SLC45A2: variants seen among roughly 807,000 people sequenced by gnomAD.
The protein encoded by SLC45A2 is membrane-associated transporter protein.
Under a neutral mutation model 45.5 loss-of-function variants are expected in SLC45A2, and 36 were observed. The observed-to-expected ratio is 0.79, with a 90% confidence interval of 0.61 to 1.04. The LOEUF is 1.04. Ranked by LOEUF, SLC45A2 falls within the 50% of genes least tolerant of loss-of-function variation. The pLI is 0.00. For synonymous variants in SLC45A2, 306 were observed against 269.3 expected (o/e 1.14, Z -1.33); for missense variants, 719 against 671.0 (o/e 1.07, Z -0.79).
Position 33,951,502 on chromosome 5 carries a change from GT to G in SLC45A2, c.1156+51del, listed in dbSNP as rs1035525139. On this transcript the variant is annotated intron_variant, in intron 5 of 6. Transcript: ENST00000296589. ...CACATAGAAATATCAAATCCAAGTTGTGCTAGACCAGAAACTTTTAGAAGAC... is the reference window on the plus strand; with the variant it reads ...CACATAGAAATATCAAATCCAAGTTGGCTAGACCAGAAACTTTTAGAAGAC... 4 of 1,612,828 alleles carry G rather than the reference GT, an allele frequency of 2.5e-6. No homozygotes were observed. The African/African-American group carries it at 5.3e-5, about 21-fold the overall frequency.
rs181196597 is a variant in SLC45A2 at position 33,964,036 on chromosome 5, A to T, written c.563-20T>A. ...CAAAACCTGGAAAGCAAGAAAAGCT[A>T]TGTTAGCATATTTAGCAAATTATCG... On this transcript the variant is annotated intron_variant, in intron 2 of 6. Transcript: ENST00000296589. 3.5e-5 allele frequency: 57 copies of T among 1,611,474 alleles called. No individual in the cohort carries two copies. In the Admixed American group the frequency reaches 9.6e-4, roughly 27 times the overall value.
At chr5:33,956,745 T>C (rs1427806930) in intron 3 of SLC45A2, among the ~76,000 whole-genome samples, 1 of 152,174 alleles carries the variant, frequency 6.6e-6, no homozygotes, top group Admixed American at 6.6e-5. Flanking sequence ...AAAAAATCTA[T>C]AAAGGGCACC....
At position 33,954,487 on chromosome 5, in the gene SLC45A2, T is replaced by C; in HGVS notation, c.906A>G (p.Thr302=). Residue 302 remains threonine (T), a synonymous_variant, in exon 4 of 7, where the codon ACA becomes ACG. Coordinates refer to ENST00000296589, the MANE Select transcript of SLC45A2 (RefSeq NM_016180.5). ...CCAGTGCTCTCAGCAGTGACTTTAATGTCATTGCCCTGCGAGTCTGAAATA... is the reference window on the plus strand; with the variant it reads ...CCAGTGCTCTCAGCAGTGACTTTAACGTCATTGCCCTGCGAGTCTGAAATA... ...NHAEQTRRAM[T]LKSLLRALVN... 1 of 1,613,980 alleles carries C rather than the reference T, an allele frequency of 6.2e-7. No individual in the cohort carries two copies.
rs769797116 is a variant in SLC45A2 at position 33,984,238 on chromosome 5, C to T, written c.346G>A (p.Gly116Ser). The change falls in exon 1 of 7, where the codon GGC (glycine) becomes AGC (serine). Residue 116 changes from glycine (G) to serine (S), a missense_variant. Gly to Ser is a moderately conservative substitution (Grantham distance 56). Coordinates refer to ENST00000296589, the MANE Select transcript of SLC45A2 (RefSeq NM_016180.5). ...ILTLGVMMLV[G>S]MALYLNGATV... ...GCCCCATTGAGGTACAGAGCCATGC[C>T]CACGAGCATCATGACTCCCAGGGTG... The T allele has an allele frequency of 3.7e-6, 6 of 1,614,114 alleles. No individual in the cohort carries two copies. In the South Asian group the frequency reaches 6.6e-5, roughly 18 times the overall value.
At chr5:33,983,316 T>G (rs1429032398) in intron 1 of SLC45A2, among the ~76,000 whole-genome samples, 1 of 152,198 alleles carries the variant, frequency 6.6e-6, no homozygotes, top group Non-Finnish European at 1.5e-5. Flanking sequence ...AAGAATAGCA[T>G]AGATTATATA....
chr5:33,967,067 G>A (rs1370956367), intron 2 of SLC45A2, among the ~76,000 whole-genome samples: 2 of 152,174 alleles, frequency 1.3e-5, no homozygotes, highest in Non-Finnish European at 2.9e-5. Context: ...CCAAAACTGA[G>A]CTCCCTGCTG....
intron 3 of SLC45A2, among the ~76,000 whole-genome samples, chr5:33,956,303 C>T (rs1298760378): frequency 1.3e-5 from 2 of 152,054 alleles, no homozygotes; most frequent in East Asian, 1.9e-4. Context: ...GATCCTGAAA[C>T]ATTTCTTCAA....
rs1753189511 is a variant in SLC45A2 at position 33,984,519 on chromosome 5, A to T, written c.65T>A (p.Phe22Tyr). ...TCTTTTAGGCGGCTCCACAGAGTCA[A>T]AGGGGCCATCATCAGCTAGGGATTT... ...IYKSLADDGPFDSVEPPKRPT... is the reference protein window; with the variant it reads ...IYKSLADDGPYDSVEPPKRPT... Residue 22 changes from phenylalanine (F) to tyrosine (Y), a missense_variant, in exon 1 of 7, where the codon TTT becomes TAT. By Grantham distance (22) the Phe-to-Tyr change is conservative. Coordinates refer to ENST00000296589, the MANE Select transcript of SLC45A2 (RefSeq NM_016180.5). 6.2e-7 allele frequency: 1 copy of T among 1,613,054 alleles called. No homozygotes were observed. Among genetic ancestry groups the T allele is most frequent in the South Asian group, 1.1e-5 (1 of 91,070 alleles).
chr5:33,975,716 A>C (rs1055289282), intron 2 of SLC45A2, among the ~76,000 whole-genome samples: 1 of 152,190 alleles, frequency 6.6e-6, no homozygotes, highest in Non-Finnish European at 1.5e-5. Context: ...AGGGAGATAC[A>C]TGACCAACTC....
intron 2 of SLC45A2, among the ~76,000 whole-genome samples, chr5:33,966,690 G>A (rs1752615445): frequency 6.6e-6 from 1 of 152,154 alleles, no homozygotes; most frequent in African/African-American, 2.4e-5. Flanking sequence ...CATTATTGGT[G>A]CTAGTTAATA....
chr5:33,954,223 G>A, intron 4 of SLC45A2, 138 bp downstream of exon 4: 3 of 1,231,408 alleles, frequency 2.4e-6, no homozygotes, highest in Non-Finnish European at 2.3e-6. Flanking sequence ...ACACCTGTCT[G>A]TAAGTCAGCT....
chr5:33,967,228 G>A (rs2111971788), intron 2 of SLC45A2, among the ~76,000 whole-genome samples: 2 of 152,330 alleles, frequency 1.3e-5, no homozygotes, highest in Admixed American at 1.3e-4. Context: ...TATTCTGAGG[G>A]CTGAGACCTG....
chr5:33,952,626 G>A (rs1199598465), intron 4 of SLC45A2, among the ~76,000 whole-genome samples: 1 of 150,092 alleles, frequency 6.7e-6, no homozygotes, highest in Non-Finnish European at 1.5e-5. Flanking sequence ...CATTTTTAAT[G>A]TATTTCATAC....
chr5:33,950,707 C>T (rs1752072168), intron 5 of SLC45A2, among the ~76,000 whole-genome samples: 1 of 152,216 alleles, frequency 6.6e-6, no homozygotes, highest in Non-Finnish European at 1.5e-5. Flanking sequence ...TCACCTGGGC[C>T]ATATCCCTGC....
chr5:33,980,547 C>T (rs1753046464), intron 2 of SLC45A2, among the ~76,000 whole-genome samples: 1 of 152,180 alleles, frequency 6.6e-6, no homozygotes, highest in Non-Finnish European at 1.5e-5. Context: ...TGGTTATTAT[C>T]ATACATGGGG....
At chr5:33,966,868 A>T (rs1752619806) in intron 2 of SLC45A2, among the ~76,000 whole-genome samples, 1 of 152,150 alleles carries the variant, frequency 6.6e-6, no homozygotes, top group Admixed American at 6.5e-5. Flanking sequence ...GTGATGGAAG[A>T]CCACACAGAG....
intron 3 of SLC45A2, among the ~76,000 whole-genome samples, chr5:33,963,399 T>C (rs1225326626): frequency 6.6e-6 from 1 of 152,226 alleles, no homozygotes; most frequent in Non-Finnish European, 1.5e-5. Flanking sequence ...GGCCTAAGGA[T>C]GATTTTAGGC....
At chr5:33,980,206 G>A (rs1461008206) in intron 2 of SLC45A2, among the ~76,000 whole-genome samples, 6 of 151,696 alleles carry the variant, frequency 4.0e-5, no homozygotes, top group African/African-American at 7.3e-5. Flanking sequence ...CTTAATCACC[G>A]AACCCCCCTC....
At chr5:33,952,747 G>A (rs567974273) in intron 4 of SLC45A2, among the ~76,000 whole-genome samples, 2 of 136,518 alleles carry the variant, frequency 1.5e-5, no homozygotes, top group Non-Finnish European at 3.1e-5. Flanking sequence ...CATTGTGCAG[G>A]TTAGTTACAT....
Sources: gnomAD v4.1 joint callset for allele counts (sites outside exome capture counted in the v4.1 genomes callset) on GRCh38, gnomAD v4.1.1 for gene constraint, MANE v1.5 for transcripts, NCBI Gene and HGNC (gene_info 2026-07-23, HGNC 2026-07-21) for gene names.